TMCC1: variants seen among roughly 807,000 people sequenced by gnomAD.
TMCC1 encodes transmembrane and coiled-coil domain family 1.
In TMCC1, 15 loss-of-function variants were observed where a neutral mutation model predicts 52.4. That is an observed-to-expected ratio of 0.29 (90% CI 0.19 to 0.44). The LOEUF (loss-of-function observed/expected upper bound fraction) is 0.44, where lower values mean the gene tolerates loss of function less well. TMCC1 is among the 20% of genes least tolerant of loss of function. TMCC1 has a pLI of 1.00. For synonymous variants in TMCC1, 279 were observed against 301.9 expected (o/e 0.92, Z 0.79); for missense variants, 503 against 806.0 (o/e 0.62, Z 4.55).
intron 6 of TMCC1, among the ~76,000 whole-genome samples, chr3:129,652,757 C>A (rs2086422062): frequency 6.6e-6 from 1 of 152,204 alleles, no homozygotes; most frequent in African/African-American, 2.4e-5. Flanking sequence ...CGACTGCCAG[C>A]TAAAAAATTC....
intron 4 of TMCC1, among the ~76,000 whole-genome samples, chr3:129,784,759 T>C (rs541481658): frequency 6.6e-6 from 1 of 151,712 alleles, no homozygotes; most frequent in East Asian, 1.9e-4. Context: ...AGGCCATGAG[T>C]TTGAGACCAT....
At position 129,883,175 on chromosome 3, in the gene TMCC1, G is replaced by A. The variant is rs546898674; in HGVS notation, c.-434-2616C>T. 2.0e-5 allele frequency among the ~76,000 whole-genome samples: 3 copies of A among 151,982 alleles called. No individual in the cohort carries two copies. In the South Asian group the frequency reaches 6.2e-4, roughly 32 times the overall value. The stretch of plus-strand genomic sequence containing the variant: ...CACACACACAAAATTAGCCAGGTAT[G>A]GTGGCACATGCCTGTAATCCCAGCT... On this transcript the variant is annotated intron_variant, in intron 1 of 6. Transcript: ENST00000393238.
At chr3:129,764,099 G>T (rs1163014326) in intron 4 of TMCC1, among the ~76,000 whole-genome samples, 2 of 152,122 alleles carry the variant, frequency 1.3e-5, no homozygotes, top group South Asian at 4.1e-4. Context: ...AAAATTAAAA[G>T]TAAAATATGA....
At chr3:129,711,996 T>C (rs1330892944) in intron 4 of TMCC1, among the ~76,000 whole-genome samples, 1 of 69,576 alleles carries the variant, frequency 1.4e-5, no homozygotes, top group Admixed American at 1.9e-4. Flanking sequence ...AGTGAGACTC[T>C]GTCTCAAAAA....
intron 1 of TMCC1, among the ~76,000 whole-genome samples, chr3:129,892,254 C>G (rs902324208): frequency 6.6e-6 from 1 of 152,206 alleles, no homozygotes; most frequent in Non-Finnish European, 1.5e-5. Flanking sequence ...TTACCACCCA[C>G]AGACCAGAAG....
chr3:129,840,085 TGGGAG>T (rs1187920369), intron 2 of TMCC1, among the ~76,000 whole-genome samples: 7 of 147,930 alleles, frequency 4.7e-5, no homozygotes, highest in Non-Finnish European at 1.0e-4. Flanking sequence ...CCCAGCACTT[TGGGAG>T]GCTGAGGCAG....
At chr3:129,870,670 C>T (rs1156851229) in intron 2 of TMCC1, among the ~76,000 whole-genome samples, 2 of 119,440 alleles carry the variant, frequency 1.7e-5, no homozygotes, top group Non-Finnish European at 3.2e-5. Flanking sequence ...ACCCAGGAGG[C>T]GGAGGTTGCA....
chr3:129,782,990 A>G (rs1251332942), intron 4 of TMCC1, among the ~76,000 whole-genome samples: 66 of 152,358 alleles, frequency 4.3e-4, no homozygotes, highest in African/African-American at 1.6e-3. Flanking sequence ...ATTTTACAGT[A>G]GCCTTTTGAC....
intron 4 of TMCC1, among the ~76,000 whole-genome samples, chr3:129,676,576 C>T (rs932570241): frequency 6.6e-6 from 1 of 152,126 alleles, no homozygotes; most frequent in African/African-American, 2.4e-5. Flanking sequence ...TAGAGCGCAG[C>T]ATTTAACTTA....
chr3:129,779,847 C>T (rs549174489), intron 4 of TMCC1, among the ~76,000 whole-genome samples: 1 of 152,280 alleles, frequency 6.6e-6, no homozygotes, highest in African/African-American at 2.4e-5. Flanking sequence ...TACTGCTATA[C>T]TCTTCAATCT....
intron 2 of TMCC1, among the ~76,000 whole-genome samples, chr3:129,854,756 T>C (rs992062211): frequency 6.6e-6 from 1 of 152,240 alleles, no homozygotes; most frequent in Non-Finnish European, 1.5e-5. Flanking sequence ...TTCTTGAGGA[T>C]GCCTTCTCTA....
chr3:129,681,778 C>T (rs1053914218), intron 4 of TMCC1, among the ~76,000 whole-genome samples: 1 of 151,840 alleles, frequency 6.6e-6, no homozygotes, highest in Non-Finnish European at 1.5e-5. Context: ...CATGGTGGTG[C>T]ACACCTGTAA....
chr3:129,674,088 G>A (rs899305369), intron 4 of TMCC1, among the ~76,000 whole-genome samples: 5 of 152,142 alleles, frequency 3.3e-5, no homozygotes, highest in East Asian at 1.9e-4. Flanking sequence ...TAGCCCAGGC[G>A]TTATACCATC....
chr3:129,886,642 T>C (rs1400240070), intron 1 of TMCC1, among the ~76,000 whole-genome samples: 1 of 151,900 alleles, frequency 6.6e-6, no homozygotes, highest in Non-Finnish European at 1.5e-5. Flanking sequence ...TGAAAGAAGC[T>C]AAAAACAAAA....
At chr3:129,699,144 C>T (rs1199845189) in intron 4 of TMCC1, among the ~76,000 whole-genome samples, 5 of 152,062 alleles carry the variant, frequency 3.3e-5, no homozygotes, top group Non-Finnish European at 4.4e-5. Context: ...GTATCAGAGG[C>T]TTTTGAATAG....
intron 4 of TMCC1, among the ~76,000 whole-genome samples, chr3:129,747,844 G>A (rs186999419): frequency 4.6e-5 from 7 of 151,962 alleles, no homozygotes; most frequent in African/African-American, 9.7e-5. Context: ...TCACCTGTCC[G>A]TACTCACTCC....
chr3:129,702,246 A>G (rs1028004994), intron 4 of TMCC1, among the ~76,000 whole-genome samples: 1 of 145,778 alleles, frequency 6.9e-6, no homozygotes, highest in African/African-American at 2.7e-5. Flanking sequence ...CTGGTCCCCA[A>G]TTGTTTTTTT....
rs62265566 is a variant in TMCC1, at chr3:129,736,922, A to C, written c.577-65658T>G. Among the ~76,000 whole-genome samples the C allele has an allele frequency of 9.1e-3, 1,385 of 152,346 alleles. 13 individuals carry two copies. The highest frequency in any genetic ancestry group is 0.015 in the Non-Finnish European group (991 of 68,030). ...AAAAGATGTTATAATAAACAGCCAT[A>C]TACCTACCACCCATACTCAACAACT... On this transcript the variant is annotated intron_variant, in intron 4 of 6. Coordinates refer to ENST00000393238, the MANE Select transcript of TMCC1 (RefSeq NM_001017395.5).
At chr3:129,830,974 AC>A (rs1398959302) in intron 3 of TMCC1, among the ~76,000 whole-genome samples, 16 of 152,192 alleles carry the variant, frequency 1.1e-4, no homozygotes, top group Admixed American at 1.0e-3. Flanking sequence ...TTGCTCTTTC[AC>A]CCAGGCTGGA....
Sources: allele counts gnomAD v4.1 joint callset (sites outside exome capture counted in the v4.1 genomes callset), GRCh38; gene constraint gnomAD v4.1.1; transcripts MANE v1.5; gene names NCBI Gene and HGNC (gene_info 2026-07-23, HGNC 2026-07-21).